The following OOSP4B variants were observed in gnomAD, a reference collection of about 807,000 sequenced individuals.
OOSP4B encodes oocyte-secreted protein 4B.
At chr11:60,019,080 G>T (rs1218076823) in intron 1 of OOSP4B, among the ~76,000 whole-genome samples, 1 of 152,018 alleles carries the variant, frequency 6.6e-6, no homozygotes, top group South Asian at 2.1e-4. Context: ...AAAATTAGTC[G>T]GGCATGGTGG....
At chr11:60,020,435 C>G (rs532264361) in intron 1 of OOSP4B, among the ~76,000 whole-genome samples, 1 of 152,326 alleles carries the variant, frequency 6.6e-6, no homozygotes, top group East Asian at 1.9e-4. Context: ...AGCGAGAAGT[C>G]GAGCACAGCA....
intron 1 of OOSP4B, among the ~76,000 whole-genome samples, chr11:60,019,265 A>G (rs628420): frequency 0.41 from 63,016 of 151,902 alleles, 14,148 homozygotes; most frequent in African/African-American, 0.55. Context: ...TGTAATCCCA[A>G]CACTTTGGGA....
intron 1 of OOSP4B, among the ~76,000 whole-genome samples, chr11:60,020,184 A>T (rs1854674295): frequency 6.6e-6 from 1 of 152,244 alleles, no homozygotes; most frequent in Non-Finnish European, 1.5e-5. Context: ...TCAGGAGCCC[A>T]GTTGGCTTCA....
exon 5 of OOSP4B, chr11:60,030,851 C>A (rs1854800254): frequency 2.5e-6 from 1 of 398,206 alleles, no homozygotes; most frequent in South Asian, 1.3e-4. Flanking sequence ...TGTTATAACA[C>A]CCTCTCCTCC....
chr11:60,027,567 G>C (rs777086327), intron 3 of OOSP4B, among the ~76,000 whole-genome samples: 9 of 149,854 alleles, frequency 6.0e-5, no homozygotes, highest in Non-Finnish European at 8.9e-5. Flanking sequence ...TGACCCAGGG[G>C]TTAGCACCTG....
intron 1 of OOSP4B, among the ~76,000 whole-genome samples, chr11:60,022,827 C>T (rs907462297): frequency 6.6e-6 from 1 of 151,712 alleles, no homozygotes; most frequent in Non-Finnish European, 1.5e-5. Flanking sequence ...AAAAATGTTC[C>T]TAGGATATAG....
At chr11:60,019,768 A>G (rs556024795) in intron 1 of OOSP4B, among the ~76,000 whole-genome samples, 59 of 152,312 alleles carry the variant, frequency 3.9e-4, no homozygotes, top group African/African-American at 1.4e-3. Context: ...AAGCTTCCAC[A>G]GTTTGGAAGG....
At chr11:60,030,976 G>A in exon 5 of OOSP4B, 1 of 395,074 alleles carries the variant, frequency 2.5e-6, no homozygotes, top group Non-Finnish European at 4.5e-6. Flanking sequence ...CTACATTTTG[G>A]AGTTTTGAAT....
chr11:60,017,550 ATT>A (rs891067956), intron 1 of OOSP4B, 137 bp downstream of exon 1: 6 of 321,472 alleles, frequency 1.9e-5, no homozygotes, highest in East Asian at 1.4e-4. Flanking sequence ...AAAAGCTGAG[ATT>A]TTTTTTTTTC....
chr11:60,020,579 G>T (rs1028733693), intron 1 of OOSP4B, among the ~76,000 whole-genome samples: 3 of 152,098 alleles, frequency 2.0e-5, no homozygotes, highest in Non-Finnish European at 2.9e-5. Context: ...GAGCAGCCCC[G>T]GTTCCCGCCG....
intron 1 of OOSP4B, among the ~76,000 whole-genome samples, chr11:60,023,460 G>A (rs909986580): frequency 4.0e-5 from 6 of 151,784 alleles, no homozygotes; most frequent in African/African-American, 1.5e-4. Flanking sequence ...TTGAGATGGG[G>A]GTCTCACTCT....
intron 4 of OOSP4B, among the ~76,000 whole-genome samples, chr11:60,030,586 C>A (rs913485964): frequency 6.6e-6 from 1 of 152,100 alleles, no homozygotes; most frequent in Admixed American, 6.5e-5. Flanking sequence ...GTCATCTAGC[C>A]AACACATAGA....
At chr11:60,028,943 A>G (rs1474206725) in intron 3 of OOSP4B, among the ~76,000 whole-genome samples, 2 of 152,134 alleles carry the variant, frequency 1.3e-5, no homozygotes, top group Non-Finnish European at 2.9e-5. Context: ...ATCTTAGCAG[A>G]TGGGATTGAA....
intron 1 of OOSP4B, among the ~76,000 whole-genome samples, chr11:60,018,939 G>A (rs569135384): frequency 8.5e-5 from 13 of 152,100 alleles, no homozygotes; most frequent in Admixed American, 2.0e-4. Flanking sequence ...CCTGTAGGCC[G>A]GGTGCAGTGG....
intron 4 of OOSP4B, 146 bp downstream of exon 4, chr11:60,030,075 G>A (rs970502461): frequency 4.6e-5 from 18 of 390,552 alleles, no homozygotes; most frequent in East Asian, 1.5e-4. Flanking sequence ...ATTAGGTACC[G>A]TAGTCTGTAC....
At chr11:60,028,880 A>G (rs1008933426) in intron 3 of OOSP4B, among the ~76,000 whole-genome samples, 3 of 152,164 alleles carry the variant, frequency 2.0e-5, no homozygotes, top group African/African-American at 7.2e-5. Context: ...TCTATCATGA[A>G]CATCAGATTT....
chr11:60,021,397 T>G (rs1331731063), intron 1 of OOSP4B: 1 of 152,198 alleles, frequency 6.6e-6, no homozygotes, highest in East Asian at 1.9e-4. Flanking sequence ...AGAGAATAAT[T>G]AACTGAAACC....
At chr11:60,018,042 A>C (rs1854643749) in intron 1 of OOSP4B, among the ~76,000 whole-genome samples, 1 of 152,128 alleles carries the variant, frequency 6.6e-6, no homozygotes, top group Non-Finnish European at 1.5e-5. Context: ...AATTACTAGG[A>C]ATGTATAGTG....
intron 3 of OOSP4B, among the ~76,000 whole-genome samples, chr11:60,025,345 C>T (rs1854737732): frequency 6.6e-6 from 1 of 152,198 alleles, no homozygotes; most frequent in African/African-American, 2.4e-5. Context: ...GAAGAACTCA[C>T]ATGCAATTAA....
Sources: gnomAD v4.1 joint callset for allele counts (sites outside exome capture counted in the v4.1 genomes callset) on GRCh38, gnomAD v4.1.1 for gene constraint, MANE v1.5 for transcripts, NCBI Gene and HGNC (gene_info 2026-07-23, HGNC 2026-07-21) for gene names.